The following TRPC4 variants were observed in gnomAD, a reference collection of about 807,000 sequenced individuals.
The protein encoded by TRPC4 is short transient receptor potential channel 4.
In TRPC4, 49 loss-of-function variants were observed where a neutral mutation model predicts 99.4. The observed-to-expected ratio is 0.49, with a 90% CI of 0.39 to 0.63. The LOEUF is 0.63. Among genes scored for constraint, TRPC4 ranks in the 20% least tolerant of loss-of-function variants. TRPC4 has a pLI of 0.00. For missense variants in TRPC4, 898 were observed against 1,152.9 expected (o/e 0.78, Z 3.20); for synonymous variants, 454 against 425.9 (o/e 1.07, Z -0.81).
chr13:37,744,890 G>C (rs1955693266), intron 3 of TRPC4, among the ~76,000 whole-genome samples: 2 of 152,162 alleles, frequency 1.3e-5, no homozygotes, highest in South Asian at 4.2e-4. Flanking sequence ...AGGGTAAGAA[G>C]TATGAGATTC....
At chr13:37,809,134 G>A (rs1957607078) in intron 1 of TRPC4, among the ~76,000 whole-genome samples, 1 of 152,056 alleles carries the variant, frequency 6.6e-6, no homozygotes, top group Non-Finnish European at 1.5e-5. Flanking sequence ...ACTCTAAGTG[G>A]TAAACTAATA....
At chr13:37,832,975 C>T (rs1002869581) in intron 1 of TRPC4, among the ~76,000 whole-genome samples, 1 of 152,068 alleles carries the variant, frequency 6.6e-6, no homozygotes, top group African/African-American at 2.4e-5. Context: ...TCAGCAGTAT[C>T]GAGTCCTGCT....
At chr13:37,670,846 A>G (rs929138640) in intron 5 of TRPC4, among the ~76,000 whole-genome samples, 30 of 152,170 alleles carry the variant, frequency 2.0e-4, no homozygotes, top group African/African-American at 7.2e-4. Flanking sequence ...TGACTTTTGC[A>G]TATTGTGCCT....
At chr13:37,640,798 G>A (rs535783930) in intron 8 of TRPC4, among the ~76,000 whole-genome samples, 47 of 152,078 alleles carry the variant, frequency 3.1e-4, no homozygotes, top group East Asian at 9.6e-4. Flanking sequence ...AAAGTGAGTC[G>A]TACATCAATT....
At chr13:37,712,356 C>T (rs536360511) in intron 3 of TRPC4, among the ~76,000 whole-genome samples, 2 of 152,224 alleles carry the variant, frequency 1.3e-5, no homozygotes, top group South Asian at 2.1e-4. Flanking sequence ...GATTCAATAA[C>T]GGAGATCTCC....
At chr13:37,690,759 A>G (rs1204573291) in intron 4 of TRPC4, among the ~76,000 whole-genome samples, 1 of 152,130 alleles carries the variant, frequency 6.6e-6, no homozygotes, top group Non-Finnish European at 1.5e-5. Context: ...TACTTAAAGT[A>G]TGGTTTTTAT....
intron 2 of TRPC4, among the ~76,000 whole-genome samples, chr13:37,762,790 C>T (rs1301666500): frequency 2.0e-5 from 3 of 149,014 alleles, no homozygotes; most frequent in African/African-American, 7.4e-5. Flanking sequence ...ATGGGTGCAG[C>T]ACACCAGCAT....
At chr13:37,717,678 A>T (rs1954724410) in intron 3 of TRPC4, among the ~76,000 whole-genome samples, 1 of 152,092 alleles carries the variant, frequency 6.6e-6, no homozygotes, top group Admixed American at 6.6e-5. Flanking sequence ...CCAAGGAGAG[A>T]GGTCTCAGGA....
intron 1 of TRPC4, among the ~76,000 whole-genome samples, chr13:37,857,669 G>A (rs1436382350): frequency 6.6e-6 from 1 of 151,508 alleles, no homozygotes; most frequent in Non-Finnish European, 1.5e-5. Context: ...ACTGGAGAAA[G>A]GACAGTCTTT....
intron 5 of TRPC4, 103 bp downstream of exon 5, chr13:37,674,125 G>A (rs961951861): frequency 2.2e-5 from 25 of 1,145,216 alleles, no homozygotes; most frequent in Middle Eastern, 3.1e-4. Flanking sequence ...TACGACATCC[G>A]GAAAAAGCTC....
intron 3 of TRPC4, among the ~76,000 whole-genome samples, chr13:37,737,033 A>T: frequency 6.6e-6 from 1 of 151,472 alleles, no homozygotes; most frequent in East Asian, 1.9e-4. Flanking sequence ...ACGCCCAGCC[A>T]ACTTCTTTTT....
intron 1 of TRPC4, among the ~76,000 whole-genome samples, chr13:37,814,090 A>G (rs1957776301): frequency 6.6e-6 from 1 of 151,902 alleles, no homozygotes. Flanking sequence ...CATCACAACA[A>G]TAGACACAGA....
At chr13:37,712,907 T>C (rs765728185) in intron 3 of TRPC4, among the ~76,000 whole-genome samples, 4 of 152,186 alleles carry the variant, frequency 2.6e-5, no homozygotes, top group Non-Finnish European at 5.9e-5. Context: ...GCATGAGGTT[T>C]ACTTCCAACA....
At chr13:37,746,637 A>T (rs992409287) in intron 2 of TRPC4, among the ~76,000 whole-genome samples, 182 bp from the exon 3 acceptor site, 2 of 151,770 alleles carry the variant, frequency 1.3e-5, no homozygotes, top group African/African-American at 4.8e-5. Flanking sequence ...TGGAAAAAAA[A>T]ACTTTCCAAT....
At chr13:37,858,614 G>A (rs928586107) in intron 1 of TRPC4, among the ~76,000 whole-genome samples, 1 of 151,552 alleles carries the variant, frequency 6.6e-6, no homozygotes, top group African/African-American at 2.4e-5. Context: ...ATGAGATCCT[G>A]TTACTTACAA....
At position 37,669,505 on chromosome 13, in the gene TRPC4, ACAC is replaced by A. The variant is rs1338069166; in HGVS notation, c.1374+4720_1374+4722del. 2.6e-5 allele frequency among the ~76,000 whole-genome samples: 4 copies of A among 152,322 alleles called. No individual in the cohort carries two copies. In the East Asian group the frequency reaches 7.7e-4, roughly 29 times the overall value. Reference sequence around the variant, plus strand: ...CTAATAAATCAAGATACTCAAGAAAACACCACAAAACTTTGCATGTAAAATGGA... The same window carrying A: ...CTAATAAATCAAGATACTCAAGAAAACACAAAACTTTGCATGTAAAATGGA... On this transcript the variant is annotated intron_variant, in intron 5 of 10. Transcript: ENST00000379705.
intron 2 of TRPC4, among the ~76,000 whole-genome samples, chr13:37,769,836 T>C (rs1373716637): frequency 6.6e-6 from 1 of 151,610 alleles, no homozygotes; most frequent in East Asian, 1.9e-4. Flanking sequence ...CAAACTGGTG[T>C]ACTTCGTTCT....
intron 1 of TRPC4, among the ~76,000 whole-genome samples, chr13:37,828,055 C>G (rs910197287): frequency 6.6e-6 from 1 of 152,224 alleles, no homozygotes; most frequent in African/African-American, 2.4e-5. Context: ...TCCGTCACCC[C>G]TTTCTTTGAC....
At chr13:37,795,213 A>C (rs1957216406) in intron 1 of TRPC4, among the ~76,000 whole-genome samples, 2 of 152,204 alleles carry the variant, frequency 1.3e-5, no homozygotes, top group Non-Finnish European at 2.9e-5. Flanking sequence ...TTCATCAAAA[A>C]TGGTTTGTTC....
Sources: gnomAD v4.1 joint callset for allele counts (sites outside exome capture counted in the v4.1 genomes callset) on GRCh38, gnomAD v4.1.1 for gene constraint, MANE v1.5 for transcripts, NCBI Gene and HGNC (gene_info 2026-07-23, HGNC 2026-07-21) for gene names.